OR8D1: variants seen among roughly 807,000 people sequenced by gnomAD.
The protein encoded by OR8D1 is olfactory receptor family 8 subfamily D member 1.
For missense variants in OR8D1, 384 were observed against 366.8 expected, an observed-to-expected ratio of 1.05 and a Z score of -0.38; for synonymous variants, 143 against 147.0, an observed-to-expected ratio of 0.97 and a Z score of 0.20.
At position 124,310,524 on chromosome 11, in the gene OR8D1, C is replaced by A. The variant is rs1407055901; in HGVS notation, c.243G>T (p.Met81Ile). ...TCTTCTTTCCTAGGAAGTTCACCAG[C>A]ATTTTGGGAGTAATGACAGAGGAAT... is the stretch of plus-strand genomic sequence containing the variant. Reference protein sequence around the residue: ...FCYSSVITPKMLVNFLGKKNT... With the variant: ...FCYSSVITPKILVNFLGKKNT... Residue 81 changes from methionine (M) to isoleucine (I), a missense_variant, in exon 3 of 3, where the codon ATG becomes ATT. By Grantham distance (10) the Met-to-Ile change is conservative. Transcript: ENST00000641015. 2 of 1,613,786 alleles carry A rather than the reference C, an allele frequency of 1.2e-6. No individual in the cohort carries two copies. The highest frequency in any genetic ancestry group is 3.3e-5 in the Admixed American group (2 of 59,978).
chr11:124,310,338 C>T lies in OR8D1; in HGVS notation c.429G>A (p.Leu143=). The part of the protein sequence containing the change: ...NAIMSSWVCS[L]LVLAAFFLGF... ...CCAAGAAGAAGGCAGCCAGCACTAG[C>T]AGTGAGCAGACCCATGAGGACATGA... The change falls in exon 3 of 3, where the codon CTG becomes CTA. Residue 143 remains leucine (L), a synonymous_variant. Coordinates refer to ENST00000641015, the MANE Select transcript of OR8D1 (RefSeq NM_001002917.2). The T allele has an allele frequency of 6.2e-7, 1 of 1,613,684 alleles. No homozygotes were observed. Among genetic ancestry groups the T allele is most frequent in the Non-Finnish European group, 8.5e-7 (1 of 1,179,882 alleles).
At position 124,308,743 on chromosome 11, in the gene OR8D1, G is replaced by T. The variant is rs1389224761; in HGVS notation, c.*1097C>A. On this transcript the variant is annotated 3_prime_UTR_variant, in exon 3 of 3. Coordinates refer to ENST00000641015, the MANE Select transcript of OR8D1 (RefSeq NM_001002917.2). ...CAACTAATTTCAGCAAACACTAATG[G>T]TTTAATATGTGATATAGAGTGAAGA... 1.3e-5 allele frequency: 2 copies of T among 152,060 alleles called. No homozygotes were observed. The highest frequency in any genetic ancestry group is 2.9e-5 in the Non-Finnish European group (2 of 67,996). 9.4% of individuals were successfully genotyped at this position (152,060 alleles called of 1,614,324 possible). A position where few individuals can be genotyped will look rare whatever the true frequency, so the allele number is the denominator to read the frequency against.
intron 1 of OR8D1, among the ~76,000 whole-genome samples, chr11:124,311,981 G>A (rs1224913030): frequency 2.0e-5 from 3 of 152,190 alleles, no homozygotes; most frequent in African/African-American, 4.8e-5. Context: ...CAAAGTAGGT[G>A]TATTTCAAGG....
At position 124,307,113 on chromosome 11, in the gene OR8D1, A is replaced by G. The variant is rs1448592302; in HGVS notation, c.*2727T>C. ...TATTAAGAAATTTATTTGCCCCAAAATATACCTTGCCAAACAACCAGTATC... is the reference window on the plus strand; with the variant it reads ...TATTAAGAAATTTATTTGCCCCAAAGTATACCTTGCCAAACAACCAGTATC... On this transcript the variant is annotated 3_prime_UTR_variant, in exon 3 of 3. Transcript: ENST00000641015. 6.6e-6 allele frequency: 1 copy of G among 152,034 alleles called. No homozygotes were observed. Among genetic ancestry groups the G allele is most frequent in the Non-Finnish European group, 1.5e-5 (1 of 67,986 alleles). 9.4% of individuals were successfully genotyped at this position (152,034 alleles called of 1,614,324 possible). A position where few individuals can be genotyped will look rare whatever the true frequency, so the allele number is the denominator to read the frequency against.
Position 124,308,297 on chromosome 11 carries a change from A to C in OR8D1, c.*1543T>G, listed in dbSNP as rs1459521024. On this transcript the variant is annotated 3_prime_UTR_variant, in exon 3 of 3. Transcript: ENST00000641015. ...GGATCCTGGATTCAGAAAAGTGTTA[A>C]TTGCACTATTAAAGCTGCTGAAAAA... is the stretch of plus-strand genomic sequence containing the variant. The C allele has an allele frequency of 6.6e-6, 1 of 152,190 alleles. No homozygotes were observed. Among genetic ancestry groups the C allele is most frequent in the Non-Finnish European group, 1.5e-5 (1 of 68,044 alleles). 9.4% of individuals were successfully genotyped at this position (152,190 alleles called of 1,614,324 possible). A position where few individuals can be genotyped will look rare whatever the true frequency, so the allele number is the denominator to read the frequency against.
chr11:124,307,009 A>T lies in OR8D1; in HGVS notation c.*2831T>A, dbSNP rs1312483004. On this transcript the variant is annotated 3_prime_UTR_variant, in exon 3 of 3. Transcript: ENST00000641015. ...TGGTTATCCTTGCCTATGAAATTCT[A>T]CCTCTACTAATAGAGACCTACAGGG... The T allele has an allele frequency of 6.6e-6, 1 of 152,012 alleles. No individual in the cohort carries two copies. Among genetic ancestry groups the T allele is most frequent in the African/African-American group, 2.4e-5 (1 of 41,404 alleles). 9.4% of individuals were successfully genotyped at this position (152,012 alleles called of 1,614,324 possible). A position where few individuals can be genotyped will look rare whatever the true frequency, so the allele number is the denominator to read the frequency against.
chr11:124,309,508 A>G lies in OR8D1; in HGVS notation c.*332T>C, dbSNP rs1862398063. Reference sequence around the variant, plus strand: ...GTGGACAACTCAGTACCTCCCACATAGCAAGTATTCAACAAGCAAACATGG... The same window carrying G: ...GTGGACAACTCAGTACCTCCCACATGGCAAGTATTCAACAAGCAAACATGG... On this transcript the variant is annotated 3_prime_UTR_variant, in exon 3 of 3. Coordinates refer to ENST00000641015, the MANE Select transcript of OR8D1 (RefSeq NM_001002917.2). 1 of 160,778 alleles carries G rather than the reference A, an allele frequency of 6.2e-6. No individual in the cohort carries two copies. Among genetic ancestry groups the G allele is most frequent in the Non-Finnish European group, 1.4e-5 (1 of 73,780 alleles). 10.0% of individuals were successfully genotyped at this position (160,778 alleles called of 1,614,324 possible).
In OR8D1 at chr11:124,309,365, C is replaced by CCTTTT. The variant is rs905159818; in HGVS notation, c.*470_*474dup. The CCTTTT allele has an allele frequency of 5.9e-5, 9 of 151,744 alleles. No homozygotes were observed. Among genetic ancestry groups the CCTTTT allele is most frequent in the Admixed American group, 2.0e-4 (3 of 15,214 alleles). The allele number at this position is 151,744 out of a possible 1,614,324, so 9.4% of individuals were successfully genotyped here. A position where few individuals can be genotyped will look rare whatever the true frequency, so the allele number is the denominator to read the frequency against. ...CTTTTTCTTTTCTTTTCTATTCTTTCCTTTTCTTTTCTTTTTTCTTTTCTT... is the reference window on the plus strand; with the variant it reads ...CTTTTTCTTTTCTTTTCTATTCTTTCCTTTTCTTTTCTTTTCTTTTTTCTTTTCTT... On this transcript the variant is annotated 3_prime_UTR_variant, in exon 3 of 3. Coordinates refer to ENST00000641015, the MANE Select transcript of OR8D1 (RefSeq NM_001002917.2).
chr11:124,313,403 A>G (rs1301607909), intron 1 of OR8D1, among the ~76,000 whole-genome samples: 3 of 152,150 alleles, frequency 2.0e-5, no homozygotes, highest in African/African-American at 7.2e-5. Context: ...CAAGAAGACA[A>G]GTAACACTAA....
In OR8D1 at chr11:124,310,350, C is replaced by T. The variant is rs1375231572; in HGVS notation, c.417G>A (p.Trp139Ter). The T allele has an allele frequency of 6.2e-7, 1 of 1,613,452 alleles. No homozygotes were observed. The highest frequency in any genetic ancestry group is 1.7e-5 in the Admixed American group (1 of 59,874). The change falls in exon 3 of 3, where the codon TGG becomes TGA. Residue 139 changes from tryptophan (W) to a stop codon, truncating the protein, a stop_gained. Coordinates refer to ENST00000641015, the MANE Select transcript of OR8D1 (RefSeq NM_001002917.2). LOFTEE classifies it low-confidence loss of function (END_TRUNC). Reference protein sequence around the residue: ...PLLYNAIMSSWVCSLLVLAAF... With the variant: ...PLLYNAIMSS ...CAGCCAGCACTAGCAGTGAGCAGAC[C>T]CATGAGGACATGATCGCATTATAAA...
Position 124,309,979 on chromosome 11 carries a change from G to GGGGGCTTGAAATACATGT in OR8D1, c.787_788insACATGTATTTCAAGCCCC (p.Pro262_Pro263insHisMetTyrPheLysPro). 1.3e-6 allele frequency: 2 copies of GGGGGCTTGAAATACATGT among 1,576,760 alleles called. No homozygotes were observed. The highest frequency in any genetic ancestry group is 1.7e-6 in the Non-Finnish European group (2 of 1,162,734). On this transcript the variant is annotated inframe_insertion, in exon 3 of 3. Transcript: ENST00000641015. ...CTCCTGGTCCAGGGAGTTACTTGAA[G>GGGGGCTTGAAATACATGT]GGGGCTTGAAATACATGAAGGTAAT... is the stretch of plus-strand genomic sequence containing the variant.
rs1342089923 is a variant in OR8D1, at chr11:124,304,256, T to G, written c.*5584A>C. 1 of 152,000 alleles carries G rather than the reference T, an allele frequency of 6.6e-6. No homozygotes were observed. The highest frequency in any genetic ancestry group is 1.5e-5 in the Non-Finnish European group (1 of 67,944). 9.4% of individuals were successfully genotyped at this position (152,000 alleles called of 1,614,324 possible). ...TTTATCTTCACAGGTTTATATTGCCTATTCTTGCACTTGAAATAAATTGAT... is the reference window on the plus strand; with the variant it reads ...TTTATCTTCACAGGTTTATATTGCCGATTCTTGCACTTGAAATAAATTGAT... On this transcript the variant is annotated 3_prime_UTR_variant, in exon 3 of 3. Coordinates refer to ENST00000641015, the MANE Select transcript of OR8D1 (RefSeq NM_001002917.2).
intron 1 of OR8D1, among the ~76,000 whole-genome samples, chr11:124,313,231 AAAG>A (rs1296913092): frequency 1.3e-5 from 2 of 149,882 alleles, no homozygotes; most frequent in Non-Finnish European, 3.0e-5. Context: ...AGAAGGAAAG[AAAG>A]AAGGAGGGAG....
rs891944107 is a variant in OR8D1 at position 124,307,591 on chromosome 11, A to G, written c.*2249T>C. On this transcript the variant is annotated 3_prime_UTR_variant, in exon 3 of 3. Transcript: ENST00000641015. ...AATTGTAGGCTGGATAGTTTGAGCAACCTTAGCAACTGCGAAAGCCACTTA... is the reference window on the plus strand; with the variant it reads ...AATTGTAGGCTGGATAGTTTGAGCAGCCTTAGCAACTGCGAAAGCCACTTA... 6.6e-6 allele frequency: 1 copy of G among 152,150 alleles called. No homozygotes were observed. Among genetic ancestry groups the G allele is most frequent in the Non-Finnish European group, 1.5e-5 (1 of 68,022 alleles). 9.4% of individuals were successfully genotyped at this position (152,150 alleles called of 1,614,324 possible). A position where few individuals can be genotyped will look rare whatever the true frequency, so the allele number is the denominator to read the frequency against.
rs985697564 is a variant in OR8D1, at chr11:124,313,774, C to T, written c.-175G>A. On this transcript the variant is annotated 5_prime_UTR_variant, in exon 1 of 3. Transcript: ENST00000641015. Reference sequence around the variant, plus strand: ...TAGGAATTGTTCACTTTGCTCAGGTCGCAGATCCCTGTAATAGCCAACAAA... The same window carrying T: ...TAGGAATTGTTCACTTTGCTCAGGTTGCAGATCCCTGTAATAGCCAACAAA... The T allele has an allele frequency of 2.0e-5, 3 of 152,200 alleles. No individual in the cohort carries two copies. The highest frequency in any genetic ancestry group is 2.9e-5 in the Non-Finnish European group (2 of 68,040). The allele number at this position is 152,200 out of a possible 1,614,324, so 9.4% of individuals were successfully genotyped here.
chr11:124,307,894 C>A lies in OR8D1; in HGVS notation c.*1946G>T, dbSNP rs972832095. The A allele has an allele frequency of 6.6e-6, 1 of 151,730 alleles. No individual in the cohort carries two copies. Among genetic ancestry groups the A allele is most frequent in the Non-Finnish European group, 1.5e-5 (1 of 67,972 alleles). The allele number at this position is 151,730 out of a possible 1,614,324, so 9.4% of individuals were successfully genotyped here. On this transcript the variant is annotated 3_prime_UTR_variant, in exon 3 of 3. Transcript: ENST00000641015. ...TACCCATCTTCTAAATTGGAGCTTT[C>A]CCTTTAAAGGGGTGGTAGATTTCAC...
chr11:124,309,883 T>C lies in OR8D1; in HGVS notation c.884A>G (p.Lys295Arg), dbSNP rs148332664. ...LNPLIYSLRN[K>R]DVKKALRKVL... ...CTTCCTTAATGCTTTCTTCACATCC[T>C]TATTCCTCAGACTGTATATTAAAGG... Residue 295 changes from lysine to arginine, a missense_variant, in exon 3 of 3, where the codon AAG (lysine) becomes AGG (arginine). Transcript: ENST00000641015. 98 of 1,496,388 alleles carry C rather than the reference T, an allele frequency of 6.5e-5. 1 individual carries two copies. In the South Asian group the frequency reaches 1.4e-3, roughly 21 times the overall value. The allele number at this position is 1,496,388 out of a possible 1,614,324, so 92.7% of individuals were successfully genotyped here. A position where few individuals can be genotyped will look rare whatever the true frequency, so the allele number is the denominator to read the frequency against.
chr11:124,310,069 C>T lies in OR8D1; in HGVS notation c.698G>A (p.Gly233Asp). The T allele has an allele frequency of 6.2e-7, 1 of 1,613,468 alleles. No homozygotes were observed. The highest frequency in any genetic ancestry group is 8.5e-7 in the Non-Finnish European group (1 of 1,179,718). Residue 233 changes from glycine to aspartate, a missense_variant, in exon 3 of 3, where the codon GGC becomes GAC. Physicochemically the swap from Gly to Asp is moderately conservative, Grantham distance 94. Transcript: ENST00000641015. ...YSILHIRSSE[G>D]RSKAFGTCSS... ...GCATGTTCCAAAAGCTTTGGACCGG[C>T]CCTCTGAGGAGCGGATGTGAAGGAT...
chr11:124,311,656 G>C lies in OR8D1; in HGVS notation c.-101C>G, dbSNP rs1446133857. The stretch of plus-strand genomic sequence containing the variant: ...TAAATCTTGAACTTTCCAAAGCGTG[G>C]TACCCTTGGTGGTTTGGGCCCTGGA... On this transcript the variant is annotated 5_prime_UTR_variant, in exon 2 of 3. Coordinates refer to ENST00000641015, the MANE Select transcript of OR8D1 (RefSeq NM_001002917.2). 6.6e-6 allele frequency: 1 copy of C among 152,122 alleles called. No homozygotes were observed. Among genetic ancestry groups the C allele is most frequent in the African/African-American group, 2.4e-5 (1 of 41,388 alleles). The allele number at this position is 152,122 out of a possible 1,614,324, so 9.4% of individuals were successfully genotyped here.
Sources: gnomAD v4.1 joint callset for allele counts (sites outside exome capture counted in the v4.1 genomes callset) on GRCh38, gnomAD v4.1.1 for gene constraint, MANE v1.5 for transcripts, NCBI Gene and HGNC (gene_info 2026-07-23, HGNC 2026-07-21) for gene names.